The following GABRB2 variants were observed in gnomAD, a reference collection of about 807,000 sequenced individuals.
The protein encoded by GABRB2 is gamma-aminobutyric acid receptor subunit beta-2.
Under a neutral mutation model 54.7 loss-of-function variants are expected in GABRB2, and 16 were observed. The observed-to-expected ratio is 0.29, with a 90% CI of 0.20 to 0.44. GABRB2 has a LOEUF of 0.44. Ranked by LOEUF, GABRB2 falls within the 20% of genes least tolerant of loss-of-function variation. GABRB2 has a pLI of 1.00. For synonymous variants in GABRB2, 244 were observed against 233.8 expected, an observed-to-expected ratio of 1.04 and a Z score of -0.40; for missense variants, 355 against 644.0, an observed-to-expected ratio of 0.55 and a Z score of 4.86.
intron 5 of GABRB2, among the ~76,000 whole-genome samples, chr5:161,337,597 G>A (rs1368860584): frequency 3.3e-5 from 5 of 152,078 alleles, no homozygotes; most frequent in Non-Finnish European, 7.4e-5. Context: ...CATATTCTCT[G>A]TTATTAATGA....
chr5:161,490,485 C>A (rs893474005), intron 3 of GABRB2, among the ~76,000 whole-genome samples: 5 of 151,584 alleles, frequency 3.3e-5, no homozygotes, highest in African/African-American at 1.2e-4. Flanking sequence ...AAAAACTCTG[C>A]CAGATTGAAC....
intron 3 of GABRB2, among the ~76,000 whole-genome samples, chr5:161,541,214 A>G (rs1760802566): frequency 6.6e-6 from 1 of 151,884 alleles, no homozygotes; most frequent in Non-Finnish European, 1.5e-5. Flanking sequence ...TGGGCTTAAA[A>G]TGTTCAATAA....
intron 3 of GABRB2, among the ~76,000 whole-genome samples, chr5:161,465,475 T>A (rs188210159): frequency 1.3e-5 from 2 of 152,272 alleles, no homozygotes; most frequent in African/African-American, 4.8e-5. Context: ...ATATTCAAAC[T>A]CATGTTGTCA....
At chr5:161,375,652 T>C (rs932370408) in intron 5 of GABRB2, among the ~76,000 whole-genome samples, 1 of 152,224 alleles carries the variant, frequency 6.6e-6, no homozygotes, top group East Asian at 1.9e-4. Flanking sequence ...CAGCACTATC[T>C]TTCTAGCTGT....
At chr5:161,477,970 G>A (rs1758646742) in intron 3 of GABRB2, among the ~76,000 whole-genome samples, 1 of 151,976 alleles carries the variant, frequency 6.6e-6, no homozygotes. Flanking sequence ...TTACAGCTTT[G>A]TGTATAGTAA....
chr5:161,527,266 T>C (rs1387206617), intron 3 of GABRB2, among the ~76,000 whole-genome samples: 1 of 151,442 alleles, frequency 6.6e-6, no homozygotes, highest in Non-Finnish European at 1.5e-5. Flanking sequence ...GTAAATTTTA[T>C]TATTACAACT....
intron 3 of GABRB2, among the ~76,000 whole-genome samples, chr5:161,487,818 G>T (rs572030728): frequency 6.6e-6 from 1 of 151,980 alleles, no homozygotes; most frequent in South Asian, 2.1e-4. Flanking sequence ...ATTACAAATG[G>T]TTAAAGAGAA....
At chr5:161,511,680 G>A (rs1192164888) in intron 3 of GABRB2, among the ~76,000 whole-genome samples, 6 of 151,996 alleles carry the variant, frequency 3.9e-5, no homozygotes, top group Non-Finnish European at 8.8e-5. Flanking sequence ...AAATTAAGGT[G>A]TCTGCAAGAC....
rs916351404 is a variant in GABRB2 at position 161,421,048 on chromosome 5, A to T, written c.459-9991T>A. 2.0e-5 allele frequency among the ~76,000 whole-genome samples: 3 copies of T among 151,988 alleles called. No homozygotes were observed. The East Asian group carries it at 5.8e-4, about 29-fold the overall frequency. ...CTAAAGCAGCCCTCCTTCCCTCACC[A>T]TTGGCCACTGCCTCATCCCCAGTTT... On this transcript the variant is annotated intron_variant, in intron 4 of 9. Coordinates refer to ENST00000393959, the MANE Select transcript of GABRB2 (RefSeq NM_001371727.1).
intron 3 of GABRB2, among the ~76,000 whole-genome samples, chr5:161,533,501 T>C (rs1294847205): frequency 2.0e-5 from 3 of 152,136 alleles, no homozygotes; most frequent in Admixed American, 2.0e-4. Context: ...TAGAGTCATA[T>C]AAAGCTTAAA....
Position 161,355,810 on chromosome 5 carries a change from T to C in GABRB2, c.542-19041A>G, listed in dbSNP as rs57135711. Among the ~76,000 whole-genome samples, 44 of 152,212 alleles carry C rather than the reference T, an allele frequency of 2.9e-4. No individual in the cohort carries two copies. In the East Asian group the frequency reaches 7.7e-3, roughly 27 times the overall value. On this transcript the variant is annotated intron_variant, in intron 5 of 9. Transcript: ENST00000393959. The stretch of plus-strand genomic sequence containing the variant: ...AGATGGAAGCTTTGCCATTTTGCAA[T>C]ATGTATAGGAGTGTTTGAAGGTTTA...
intron 5 of GABRB2, among the ~76,000 whole-genome samples, chr5:161,377,096 A>G (rs1472005941): frequency 1.3e-5 from 2 of 152,120 alleles, no homozygotes; most frequent in Admixed American, 6.6e-5. Context: ...TGTATATGAA[A>G]TAAAGCATTT....
chr5:161,446,644 A>G (rs1012287317), intron 4 of GABRB2, among the ~76,000 whole-genome samples: 1 of 152,140 alleles, frequency 6.6e-6, no homozygotes, highest in Non-Finnish European at 1.5e-5. Flanking sequence ...TCTAAGATTC[A>G]GTTCACTTTT....
intron 3 of GABRB2, among the ~76,000 whole-genome samples, chr5:161,465,532 T>C (rs1333666969): frequency 1.3e-5 from 2 of 152,184 alleles, no homozygotes; most frequent in Non-Finnish European, 2.9e-5. Flanking sequence ...TTTGCTTTTA[T>C]TGTCTTTATA....
chr5:161,511,530 C>T (rs551424438), intron 3 of GABRB2, among the ~76,000 whole-genome samples: 1 of 151,986 alleles, frequency 6.6e-6, no homozygotes, highest in South Asian at 2.1e-4. Context: ...CTATTTTTAC[C>T]ATAGGTATAT....
intron 5 of GABRB2, among the ~76,000 whole-genome samples, chr5:161,350,791 T>A (rs1425446382): frequency 6.6e-6 from 1 of 152,074 alleles, no homozygotes; most frequent in Non-Finnish European, 1.5e-5. Context: ...GGTCTCCATC[T>A]TTCTCCCATG....
intron 3 of GABRB2, among the ~76,000 whole-genome samples, chr5:161,519,416 G>C (rs1304557603): frequency 2.0e-5 from 3 of 152,142 alleles, no homozygotes; most frequent in African/African-American, 2.4e-5. Flanking sequence ...TACGAAGAAG[G>C]CTTTATGAAG....
intron 3 of GABRB2, among the ~76,000 whole-genome samples, chr5:161,465,184 A>G (rs1758243507): frequency 6.6e-6 from 1 of 152,086 alleles, no homozygotes; most frequent in Non-Finnish European, 1.5e-5. Context: ...CCTGTTTCCA[A>G]GTCAAAAGAA....
chr5:161,377,242 T>C (rs967647512), intron 5 of GABRB2, among the ~76,000 whole-genome samples: 2 of 152,126 alleles, frequency 1.3e-5, no homozygotes, highest in Admixed American at 6.6e-5. Flanking sequence ...CTGACACTCA[T>C]GTGGAATCAG....
Sources: gnomAD v4.1 joint callset for allele counts (sites outside exome capture counted in the v4.1 genomes callset) on GRCh38, gnomAD v4.1.1 for gene constraint, MANE v1.5 for transcripts, NCBI Gene and HGNC (gene_info 2026-07-23, HGNC 2026-07-21) for gene names.